The following C11orf97 variants were observed in gnomAD, a reference collection of about 807,000 sequenced individuals.
C11orf97 encodes the protein uncharacterized protein C11orf97.
Under a neutral mutation model 16.2 loss-of-function variants are expected in C11orf97, and 15 were observed. That is an observed-to-expected ratio of 0.93 (90% CI 0.62 to 1.43). C11orf97 has a LOEUF of 1.43. Ranked by LOEUF, C11orf97 falls within the 40% of genes most tolerant of loss-of-function variation. The pLI, the probability that C11orf97 is intolerant of heterozygous loss-of-function variation, is 0.00. For missense variants in C11orf97, 171 were observed against 161.2 expected (o/e 1.06, Z -0.33); for synonymous variants, 61 against 65.7 (o/e 0.93, Z 0.34).
chr11:94,524,074 T>TATG (rs1250562176), intron 2 of C11orf97, among the ~76,000 whole-genome samples: 3 of 152,120 alleles, frequency 2.0e-5, no homozygotes, highest in Non-Finnish European at 4.4e-5. Flanking sequence ...TGTCTTTTTA[T>TATG]ATGATGATGT....
intron 2 of C11orf97, among the ~76,000 whole-genome samples, chr11:94,521,856 C>T (rs138670364): frequency 2.0e-5 from 3 of 152,260 alleles, no homozygotes; most frequent in East Asian, 1.9e-4. Context: ...TCTGGTGACA[C>T]GTTATGGCTA....
intron 2 of C11orf97, among the ~76,000 whole-genome samples, chr11:94,522,441 G>T (rs867773451): frequency 2.0e-5 from 3 of 152,192 alleles, no homozygotes; most frequent in Admixed American, 1.3e-4. Flanking sequence ...GGAGACTGAG[G>T]CAGGAGAATG....
At chr11:94,527,293 A>G (rs146880458) in intron 2 of C11orf97, among the ~76,000 whole-genome samples, 5 of 152,340 alleles carry the variant, frequency 3.3e-5, no homozygotes, top group African/African-American at 1.2e-4. Flanking sequence ...AATATTTGGC[A>G]TTAATATTTG....
intron 1 of C11orf97, among the ~76,000 whole-genome samples, chr11:94,515,787 G>A (rs771103317): frequency 1.7e-4 from 25 of 150,860 alleles, no homozygotes; most frequent in Non-Finnish European, 2.7e-4. Flanking sequence ...ATATTTACCC[G>A]TACTAGCTCC....
chr11:94,516,565 T>G (rs1472006885), intron 1 of C11orf97, among the ~76,000 whole-genome samples: 2 of 152,132 alleles, frequency 1.3e-5, no homozygotes, highest in East Asian at 3.9e-4. Context: ...CCTGCCCTCA[T>G]GGGGTTTGTG....
At chr11:94,526,076 G>A (rs560925042) in intron 2 of C11orf97, among the ~76,000 whole-genome samples, 3 of 152,220 alleles carry the variant, frequency 2.0e-5, no homozygotes, top group Non-Finnish European at 4.4e-5. Flanking sequence ...TTCTTTTTCA[G>A]TTGAGAGGAG....
chr11:94,517,090 C>T (rs868789843), intron 1 of C11orf97, among the ~76,000 whole-genome samples: 9 of 152,296 alleles, frequency 5.9e-5, no homozygotes, highest in Middle Eastern at 3.4e-3. Context: ...GTGCTATGTC[C>T]ATAAGTGGTT....
chr11:94,512,735 G>A, intron 1 of C11orf97, 62 bp downstream of exon 1: 1 of 1,232,246 alleles, frequency 8.1e-7, no homozygotes, highest in Non-Finnish European at 1.0e-6. Flanking sequence ...GAGTGACAGG[G>A]CAATTGGGGG....
At chr11:94,516,786 G>T (rs1404952061) in intron 1 of C11orf97, among the ~76,000 whole-genome samples, 1 of 152,146 alleles carries the variant, frequency 6.6e-6, no homozygotes, top group Non-Finnish European at 1.5e-5. Flanking sequence ...AAGTTATATA[G>T]GCAAAACCAG....
chr11:94,515,962 G>T (rs612632), intron 1 of C11orf97, among the ~76,000 whole-genome samples: 87,797 of 151,696 alleles, frequency 0.58, 25,688 homozygotes, highest in African/African-American at 0.63. Context: ...TCCTAGCCAA[G>T]TTTGTGAACC....
At chr11:94,519,555 A>G (rs1947640069) in intron 2 of C11orf97, among the ~76,000 whole-genome samples, 1 of 152,228 alleles carries the variant, frequency 6.6e-6, no homozygotes, top group Non-Finnish European at 1.5e-5. Flanking sequence ...AGATTGTGAG[A>G]CAGTCTGAGT....
rs527560356 is a variant in C11orf97 at position 94,516,146 on chromosome 11, C to T, written c.146-1437C>T. 3.4e-4 allele frequency among the ~76,000 whole-genome samples: 52 copies of T among 152,190 alleles called. 1 individual carries two copies. The highest frequency in any genetic ancestry group is 1.1e-3 in the African/African-American group (47 of 41,522). ...GAGGGTGTGTCTGGGTCTTCATGAC[C>T]AGGAATGACCTGGGATCACTGCCGG... On this transcript the variant is annotated intron_variant, in intron 1 of 3. Transcript: ENST00000542198.
chr11:94,518,857 G>A (rs1947634648), intron 2 of C11orf97, among the ~76,000 whole-genome samples: 1 of 152,088 alleles, frequency 6.6e-6, no homozygotes, highest in East Asian at 1.9e-4. Flanking sequence ...GAGAGAGGCT[G>A]CAGGCCCAGA....
chr11:94,519,580 T>A (rs628164), intron 2 of C11orf97, among the ~76,000 whole-genome samples: 85,461 of 151,848 alleles, frequency 0.56, 24,257 homozygotes, highest in African/African-American at 0.58. Context: ...AGGATGTATC[T>A]TTTGGTTTAT....
In C11orf97 at chr11:94,517,669, A is replaced by T; in HGVS notation, c.232A>T (p.Ile78Phe). ...TCATATTAAGAGAGATGAATGCCAC[A>T]TTAAAAATCCAGCTGCAGGTAATCT... ...ERHIKRDECH[I>F]KNPAAVALEG... Residue 78 changes from isoleucine (I) to phenylalanine (F), a missense_variant, in exon 2 of 4, where the codon ATT (isoleucine) becomes TTT (phenylalanine). Physicochemically the swap from Ile to Phe is conservative, Grantham distance 21. Coordinates refer to ENST00000542198, the MANE Select transcript of C11orf97 (RefSeq NM_001190462.2). 1.3e-6 allele frequency: 2 copies of T among 1,527,530 alleles called. No individual in the cohort carries two copies. The allele number at this position is 1,527,530 out of a possible 1,614,324, so 94.6% of individuals were successfully genotyped here. A position where few individuals can be genotyped will look rare whatever the true frequency, so the allele number is the denominator to read the frequency against.
intron 3 of C11orf97, among the ~76,000 whole-genome samples, chr11:94,531,534 A>C (rs1947739334): frequency 6.6e-6 from 1 of 151,208 alleles, no homozygotes; most frequent in Admixed American, 6.6e-5. Flanking sequence ...GCCAAAAAAA[A>C]AAAAAAAAAA....
intron 2 of C11orf97, among the ~76,000 whole-genome samples, chr11:94,524,996 T>G (rs1292145951): frequency 6.8e-6 from 1 of 147,076 alleles, no homozygotes; most frequent in East Asian, 2.0e-4. Context: ...GAGGCGAATG[T>G]TGCAGTGGGC....
chr11:94,520,277 A>G (rs695093), intron 2 of C11orf97, among the ~76,000 whole-genome samples: 72,268 of 151,920 alleles, frequency 0.48, 18,402 homozygotes, highest in Non-Finnish European at 0.57. Flanking sequence ...CTCTAAAAAC[A>G]CTTTCTTAGC....
intron 3 of C11orf97, among the ~76,000 whole-genome samples, chr11:94,528,960 G>A (rs1009100906): frequency 1.3e-5 from 2 of 152,142 alleles, no homozygotes; most frequent in African/African-American, 4.8e-5. Flanking sequence ...ATGCTATATA[G>A]CATTGCTTAT....
Sources: gnomAD v4.1 joint callset for allele counts (sites outside exome capture counted in the v4.1 genomes callset) on GRCh38, gnomAD v4.1.1 for gene constraint, MANE v1.5 for transcripts, NCBI Gene and HGNC (gene_info 2026-07-23, HGNC 2026-07-21) for gene names.